The following CNOT1 variants were observed in gnomAD, a reference collection of about 807,000 sequenced individuals.
The protein encoded by CNOT1 is CCR4-associated factor 1.
CNOT1 carries 15 observed loss-of-function variants against 273.8 expected under a neutral mutation model. That is an observed-to-expected ratio of 0.05 (90% CI 0.04 to 0.08). The LOEUF (loss-of-function observed/expected upper bound fraction) is 0.08, where lower values mean the gene tolerates loss of function less well. CNOT1 is among the 10% of genes least tolerant of loss of function. CNOT1 has a pLI of 1.00. For synonymous variants in CNOT1, 1,022 were observed against 1,005.5 expected (o/e 1.02, Z -0.31); for missense variants, 1,644 against 2,912.2 (o/e 0.56, Z 10.02).
At chr16:58,523,177 G>A (rs1410265322) in intron 47 of CNOT1, 193 bp downstream of exon 47, 4 of 398,618 alleles carry the variant, frequency 1.0e-5, no homozygotes, top group East Asian at 4.1e-5. Flanking sequence ...CCTGGGAGGC[G>A]GAGGTTGCAG....
intron 10 of CNOT1, 133 bp downstream of exon 10, chr16:58,582,660 T>G: frequency 3.2e-6 from 2 of 625,810 alleles, no homozygotes; most frequent in African/African-American, 3.7e-5. Flanking sequence ...ACGTACTGCC[T>G]GCAGTACACA....
chr16:58,532,442 C>T (rs771226606), intron 40 of CNOT1, 47 bp from the exon 41 acceptor site: 2 of 1,590,782 alleles, frequency 1.3e-6, no homozygotes, highest in South Asian at 2.2e-5. Flanking sequence ...AGATAATCCA[C>T]TCACCACTTC....
chr16:58,525,486 G>C (rs1215112114), intron 45 of CNOT1, 127 bp from the exon 46 acceptor site: 1 of 746,040 alleles, frequency 1.3e-6, no homozygotes, highest in Non-Finnish European at 2.2e-6. Flanking sequence ...TCACTTGCTT[G>C]AATTTGTGAG....
Position 58,520,225 on chromosome 16 carries a change from AG to A in CNOT1, c.*732del, listed in dbSNP as rs2039319563. On this transcript the variant is annotated 3_prime_UTR_variant, in exon 49 of 49. Transcript: ENST00000317147. ...TATATTCCCACTGTTTTTAAGTTTC[AG>A]GAGAGGATTGGGGGGGTGAGGGTAG... The A allele has an allele frequency of 7.4e-6, 1 of 135,910 alleles. No individual in the cohort carries two copies. Among genetic ancestry groups the A allele is most frequent in the Non-Finnish European group, 1.5e-5 (1 of 64,834 alleles). The allele number at this position is 135,910 out of a possible 1,614,324, so 8.4% of individuals were successfully genotyped here.
chr16:58,549,976 T>C (rs977586238), intron 24 of CNOT1, 78 bp from the exon 25 acceptor site: 52 of 1,584,350 alleles, frequency 3.3e-5, no homozygotes, highest in East Asian at 2.7e-4. Context: ...AACCATACTA[T>C]ACAGCACATG....
intron 25 of CNOT1, among the ~76,000 whole-genome samples, chr16:58,548,005 T>C (rs1262546681): frequency 1.3e-5 from 2 of 152,170 alleles, no homozygotes; most frequent in African/African-American, 4.8e-5. Flanking sequence ...CTGAAAACCT[T>C]AGCTAGGTTT....
At chr16:58,570,541 G>A (rs376310830) in intron 16 of CNOT1, among the ~76,000 whole-genome samples, 74 of 152,286 alleles carry the variant, frequency 4.9e-4, no homozygotes, top group Middle Eastern at 3.4e-3. Context: ...TGGGAGGACC[G>A]CTTTGAGTCT....
intron 16 of CNOT1, among the ~76,000 whole-genome samples, chr16:58,563,505 C>A (rs2040933624): frequency 6.6e-6 from 1 of 152,106 alleles, no homozygotes; most frequent in Non-Finnish European, 1.5e-5. Flanking sequence ...GCCTTATACT[C>A]CTAAAGGTAT....
At position 58,586,685 on chromosome 16, in the gene CNOT1, C is replaced by T; in HGVS notation, c.497G>A (p.Ser166Asn). 3.1e-6 allele frequency: 5 copies of T among 1,613,386 alleles called. No individual in the cohort carries two copies. Among genetic ancestry groups the T allele is most frequent in the Non-Finnish European group, 4.2e-6 (5 of 1,179,924 alleles). Reference protein sequence around the residue: ...LLRSYIDADVSGNQEGGFQDI... With the variant: ...LLRSYIDADVNGNQEGGFQDI... ...TTGGAAGCCACCTTCTTGATTTCCA[C>T]TGACGTCTGCGTCAATGTAAGAACG... Residue 166 changes from serine to asparagine, a missense_variant, in exon 7 of 49, where the codon AGT (serine) becomes AAT (asparagine). Around this residue, in one of 13 missense-constraint regions of CNOT1, gnomAD observed 706 missense variants for 1,021.2 expected, o/e 0.69. Coordinates refer to ENST00000317147, the MANE Select transcript of CNOT1 (RefSeq NM_016284.5).
chr16:58,555,617 A>T, intron 20 of CNOT1, 80 bp from the exon 21 acceptor site: 2 of 1,546,736 alleles, frequency 1.3e-6, no homozygotes, highest in Non-Finnish European at 1.7e-6. Context: ...TTAACAAAAG[A>T]CTATTAAGTA....
At chr16:58,536,944 C>T (rs1250173595) in intron 39 of CNOT1, 45 bp downstream of exon 39, 1 of 1,603,032 alleles carries the variant, frequency 6.2e-7, no homozygotes, top group Non-Finnish European at 8.5e-7. Context: ...GCATCACACC[C>T]TACTTATGTT....
chr16:58,585,934 GAAGT>G (rs2041818834), intron 7 of CNOT1, among the ~76,000 whole-genome samples: 1 of 151,886 alleles, frequency 6.6e-6, no homozygotes, highest in Admixed American at 6.6e-5. Flanking sequence ...TAAACATTAA[GAAGT>G]AAATAAAAGT....
intron 1 of CNOT1, among the ~76,000 whole-genome samples, chr16:58,610,201 T>A (rs2095821908): frequency 1.3e-5 from 2 of 152,220 alleles, no homozygotes. Flanking sequence ...GTGAATCACT[T>A]GAAGCCAGGA....
At position 58,614,822 on chromosome 16, in the gene CNOT1, G is replaced by A. The variant is rs775133145; in HGVS notation, c.-175+14906C>T. Among the ~76,000 whole-genome samples, 56 of 125,278 alleles carry A rather than the reference G, an allele frequency of 4.5e-4. 14 individuals carry two copies. Among genetic ancestry groups the A allele is most frequent in the Middle Eastern group, 3.9e-3 (1 of 254 alleles). 82.2% of individuals were successfully genotyped at this position (125,278 alleles called of 152,430 possible). Reference sequence around the variant, plus strand: ...CCTCCCAGGCTCAAGCGATCCTCCTGCCTCAGCTTCTGGAGTAGCTGGGAC... The same window carrying A: ...CCTCCCAGGCTCAAGCGATCCTCCTACCTCAGCTTCTGGAGTAGCTGGGAC... On this transcript the variant is annotated intron_variant, in intron 1 of 48. Coordinates refer to ENST00000317147, the MANE Select transcript of CNOT1 (RefSeq NM_016284.5).
intron 1 of CNOT1, among the ~76,000 whole-genome samples, chr16:58,614,987 C>A (rs2043024582): frequency 8.4e-6 from 1 of 118,718 alleles, no homozygotes; most frequent in Non-Finnish European, 2.0e-5. Context: ...GGATTACAGG[C>A]ATCAGCCACA....
chr16:58,578,750 A>C lies in CNOT1; in HGVS notation c.1533T>G (p.Leu511=). Reference sequence around the variant, plus strand: ...TAATAGCTGAGTTAGGATGGTTTCCAAGGAAAATTGGCATCAGAGTGGAGA... The same window carrying C: ...TAATAGCTGAGTTAGGATGGTTTCCCAGGAAAATTGGCATCAGAGTGGAGA... ...ELISTLMPIF[L]GNHPNSAIIL... The change falls in exon 13 of 49, where the codon CTT becomes CTG. Residue 511 remains leucine (L), a synonymous_variant. Coordinates refer to ENST00000317147, the MANE Select transcript of CNOT1 (RefSeq NM_016284.5). The C allele has an allele frequency of 6.2e-7, 1 of 1,614,194 alleles. No homozygotes were observed. The highest frequency in any genetic ancestry group is 8.5e-7 in the Non-Finnish European group (1 of 1,180,030).
At chr16:58,626,757 C>T in intron 1 of CNOT1, among the ~76,000 whole-genome samples, 1 of 135,240 alleles carries the variant, frequency 7.4e-6, no homozygotes, top group East Asian at 2.9e-4. Flanking sequence ...GAGACTCCGT[C>T]TCAAAAAAAA....
chr16:58,564,083 G>C (rs533305797), intron 16 of CNOT1, among the ~76,000 whole-genome samples: 1 of 152,270 alleles, frequency 6.6e-6, no homozygotes, highest in African/African-American at 2.4e-5. Flanking sequence ...TAGGATATAA[G>C]ATCAAGAAGC....
At chr16:58,528,152 A>G (rs779257997) in intron 44 of CNOT1, 6 of 504,782 alleles carry the variant, frequency 1.2e-5, no homozygotes, top group Admixed American at 4.6e-5. Context: ...TTGTTCTGCA[A>G]TTCTTTGCCA....
Sources: allele counts gnomAD v4.1 joint callset (sites outside exome capture counted in the v4.1 genomes callset), GRCh38; gene constraint gnomAD v4.1.1; regional missense constraint gnomAD v4.1.1; transcripts MANE v1.5; gene names NCBI Gene and HGNC (gene_info 2026-07-23, HGNC 2026-07-21).